Variants in SWAP70 observed in about 807,000 individuals in gnomAD.
SWAP70 encodes switching B cell complex subunit SWAP70.
A neutral mutation model predicts 80.2 loss-of-function variants in SWAP70; 34 were observed. The ratio of observed to expected loss-of-function variants is 0.42; its 90% CI spans 0.32 to 0.56. The LOEUF (loss-of-function observed/expected upper bound fraction) is 0.56, where lower values mean the gene tolerates loss of function less well. SWAP70 is among the 20% of genes least tolerant of loss of function. SWAP70 has a pLI of 0.09. For synonymous variants in SWAP70, 239 were observed against 238.5 expected, an observed-to-expected ratio of 1.00 and a Z score of -0.02; for missense variants, 578 against 690.7, an observed-to-expected ratio of 0.84 and a Z score of 1.83.
intron 3 of SWAP70, among the ~76,000 whole-genome samples, chr11:9,717,366 G>A (rs981001137): frequency 6.6e-6 from 1 of 152,182 alleles, no homozygotes; most frequent in African/African-American, 2.4e-5. Context: ...AAGTGTGCTG[G>A]CTCAAGCCTA....
chr11:9,747,816 A>G lies in SWAP70; in HGVS notation c.1356-42A>G, dbSNP rs749255403. 3 of 1,599,992 alleles carry G rather than the reference A, an allele frequency of 1.9e-6. No homozygotes were observed. In the African/African-American group the frequency reaches 4.0e-5, roughly 21 times the overall value. ...CCTCGTCTGCTGGGTCAGGGTGGTG[A>G]CCTGGGCAGGATTTGATCTGGAGCT... On this transcript the variant is annotated intron_variant, in intron 9 of 11. Transcript: ENST00000318950.
At chr11:9,735,300 T>C (rs1564833105) in intron 7 of SWAP70, among the ~76,000 whole-genome samples, 1 of 152,246 alleles carries the variant, frequency 6.6e-6, no homozygotes, top group African/African-American at 2.4e-5. Flanking sequence ...TCACTTAATA[T>C]ATTTTTTAGA....
intron 6 of SWAP70, among the ~76,000 whole-genome samples, chr11:9,732,045 A>G (rs1032119141): frequency 7.2e-5 from 11 of 152,246 alleles, no homozygotes; most frequent in African/African-American, 2.7e-4. Flanking sequence ...AAGGGGTTGC[A>G]TAAGGCATGG....
chr11:9,712,052 A>G (rs56096143), intron 2 of SWAP70, among the ~76,000 whole-genome samples: 9,877 of 152,128 alleles, frequency 0.065, 831 homozygotes, highest in East Asian at 0.28. Context: ...GCTGCTTGAG[A>G]ACTCAGCTCT....
At chr11:9,718,405 A>G (rs1431511324) in intron 3 of SWAP70, among the ~76,000 whole-genome samples, 1 of 152,024 alleles carries the variant, frequency 6.6e-6, no homozygotes, top group Non-Finnish European at 1.5e-5. Context: ...TCCTGAGGTT[A>G]ATCACATGGA....
intron 1 of SWAP70, among the ~76,000 whole-genome samples, chr11:9,686,915 G>A (rs1341182804): frequency 6.6e-6 from 1 of 152,192 alleles, no homozygotes. Flanking sequence ...TACTGAAGTT[G>A]AGAAAAACCT....
chr11:9,664,369 C>A, intron 1 of SWAP70, 91 bp downstream of exon 1: 1 of 1,414,892 alleles, frequency 7.1e-7, no homozygotes, highest in Non-Finnish European at 9.5e-7. Flanking sequence ...CGGGCCGTGA[C>A]CGCAGGGCGG....
At chr11:9,733,330 G>T (rs766174989) in intron 7 of SWAP70, among the ~76,000 whole-genome samples, 1 of 152,208 alleles carries the variant, frequency 6.6e-6, no homozygotes, top group Non-Finnish European at 1.5e-5. Flanking sequence ...GGCTGAGTCT[G>T]TCTGCCTTGA....
intron 1 of SWAP70, among the ~76,000 whole-genome samples, chr11:9,689,031 A>G (rs1259775994): frequency 2.6e-5 from 4 of 152,214 alleles, no homozygotes; most frequent in Non-Finnish European, 5.9e-5. Flanking sequence ...ATTATGAGTT[A>G]TAAGTCTATA....
intron 1 of SWAP70, among the ~76,000 whole-genome samples, chr11:9,671,765 T>TTTATA (rs1565109895): frequency 0.32 from 15,053 of 47,582 alleles, 2,421 homozygotes; most frequent in Non-Finnish European, 0.44. Flanking sequence ...TATAAATATA[T>TTTATA]AATATAAATA....
At chr11:9,723,331 A>G (rs755190507) in intron 3 of SWAP70, among the ~76,000 whole-genome samples, 1 of 152,012 alleles carries the variant, frequency 6.6e-6, no homozygotes, top group Non-Finnish European at 1.5e-5. Flanking sequence ...ACACACACAC[A>G]CTCAAAGCAA....
At chr11:9,742,884 CTT>C (rs56710904) in intron 9 of SWAP70, among the ~76,000 whole-genome samples, 10 of 140,940 alleles carry the variant, frequency 7.1e-5, no homozygotes, top group Admixed American at 1.4e-4. Context: ...CTTCTCACTC[CTT>C]TTTTTTTTTT....
chr11:9,671,983 CTATATTTTATATAATATATAAAATA>C (rs1300487960), intron 1 of SWAP70, among the ~76,000 whole-genome samples: 1 of 102,944 alleles, frequency 9.7e-6, no homozygotes, highest in Non-Finnish European at 1.8e-5. Context: ...ATATATTTTT[CTATATTTTATATAATATATAAAATA>C]TATATTTTAA....
At chr11:9,699,914 A>G (rs1264311266) in intron 2 of SWAP70, among the ~76,000 whole-genome samples, 1 of 151,346 alleles carries the variant, frequency 6.6e-6, no homozygotes, top group African/African-American at 2.4e-5. Context: ...GACAGTAAAT[A>G]GAATTGTGTC....
intron 1 of SWAP70, among the ~76,000 whole-genome samples, chr11:9,671,618 TTCTA>T (rs1229165484): frequency 3.1e-5 from 1 of 32,034 alleles, no homozygotes; most frequent in African/African-American, 1.6e-4. Context: ...AGAAATATAT[TTCTA>T]TATAAATATA....
chr11:9,712,712 C>T (rs957029089), intron 2 of SWAP70, among the ~76,000 whole-genome samples: 1 of 150,412 alleles, frequency 6.6e-6, no homozygotes, highest in African/African-American at 2.4e-5. Flanking sequence ...AAATAGTTTT[C>T]CCCAAAAGAA....
intron 3 of SWAP70, among the ~76,000 whole-genome samples, chr11:9,718,229 C>G (rs1454244926): frequency 6.6e-6 from 1 of 152,236 alleles, no homozygotes; most frequent in Non-Finnish European, 1.5e-5. Flanking sequence ...TGGACTCACT[C>G]TGTGCTTTGA....
At chr11:9,677,566 T>C (rs1206981805) in intron 1 of SWAP70, among the ~76,000 whole-genome samples, 1 of 152,182 alleles carries the variant, frequency 6.6e-6, no homozygotes, top group East Asian at 1.9e-4. Flanking sequence ...TTAATACCCT[T>C]ATTGTTTAGT....
chr11:9,684,287 G>C (rs1850604132), intron 1 of SWAP70, among the ~76,000 whole-genome samples: 1 of 151,984 alleles, frequency 6.6e-6, no homozygotes, highest in Non-Finnish European at 1.5e-5. Context: ...TTGTTATGTT[G>C]CCCGGGCTGG....
Sources: gnomAD v4.1 joint callset for allele counts (sites outside exome capture counted in the v4.1 genomes callset) on GRCh38, gnomAD v4.1.1 for gene constraint, MANE v1.5 for transcripts, NCBI Gene and HGNC (gene_info 2026-07-23, HGNC 2026-07-21) for gene names.